Variants in SLC39A11 observed in about 807,000 individuals in gnomAD.
The protein encoded by SLC39A11 is zinc transporter ZIP11.
In SLC39A11, 33 loss-of-function variants were observed where a neutral mutation model predicts 36.1. The observed-to-expected ratio is 0.91, with a 90% CI of 0.69 to 1.22. The LOEUF (loss-of-function observed/expected upper bound fraction) is 1.22. Ranked by LOEUF, SLC39A11 falls within the 50% of genes most tolerant of loss-of-function variation. SLC39A11 has a pLI of 0.00. For missense variants in SLC39A11, 432 were observed against 430.3 expected (o/e 1.00, Z -0.03); for synonymous variants, 166 against 170.3 (o/e 0.97, Z 0.20).
chr17:72,658,212 G>T (rs1471406919), intron 7 of SLC39A11, among the ~76,000 whole-genome samples: 1 of 152,244 alleles, frequency 6.6e-6, no homozygotes, highest in African/African-American at 2.4e-5. Context: ...AGGGAGTGTA[G>T]GCGGGGGAAA....
Position 72,865,946 on chromosome 17 carries a change from C to G in SLC39A11, c.431-16142G>C, listed in dbSNP as rs149870100. Among the ~76,000 whole-genome samples, 1,024 of 152,250 alleles carry G rather than the reference C, an allele frequency of 6.7e-3. 13 individuals carry two copies. Among genetic ancestry groups the G allele is most frequent in the African/African-American group, 0.023 (970 of 41,536 alleles). ...AGTCGGATATTGGCTCAATGACTAA[C>G]CAATGAGCTGGAGGATAAATCTAAA... On this transcript the variant is annotated intron_variant, in intron 5 of 9. Coordinates refer to ENST00000255559, the MANE Select transcript of SLC39A11 (RefSeq NM_139177.4).
At chr17:72,802,419 G>A (rs1163686175) in intron 6 of SLC39A11, among the ~76,000 whole-genome samples, 4 of 151,748 alleles carry the variant, frequency 2.6e-5, no homozygotes, top group South Asian at 4.2e-4. Context: ...GTGAAAACCC[G>A]TCTCTACTAA....
intron 6 of SLC39A11, among the ~76,000 whole-genome samples, chr17:72,806,979 C>T (rs926026479): frequency 1.3e-5 from 2 of 152,172 alleles, no homozygotes; most frequent in Non-Finnish European, 2.9e-5. Context: ...CATTTCCTTA[C>T]CTTCTTTTCT....
At chr17:72,800,646 C>T (rs1041668132) in intron 6 of SLC39A11, among the ~76,000 whole-genome samples, 61 of 152,120 alleles carry the variant, frequency 4.0e-4, no homozygotes, top group African/African-American at 1.3e-3. Flanking sequence ...AGAGACTTGG[C>T]GGCTGGGGGT....
chr17:73,081,655 AC>A (rs755868464), intron 3 of SLC39A11, among the ~76,000 whole-genome samples: 3,976 of 146,398 alleles, frequency 0.027, 158 homozygotes, highest in East Asian at 0.11. Context: ...ACACACACAC[AC>A]ACACACACAC....
At chr17:72,979,334 T>C (rs1354686409) in intron 4 of SLC39A11, among the ~76,000 whole-genome samples, 5 of 145,446 alleles carry the variant, frequency 3.4e-5, no homozygotes, top group Admixed American at 1.4e-4. Context: ...CTTGGGCAGT[T>C]CTTTATAATG....
chr17:72,918,535 T>C (rs925719584), intron 5 of SLC39A11, among the ~76,000 whole-genome samples: 2 of 152,318 alleles, frequency 1.3e-5, no homozygotes, highest in South Asian at 4.1e-4. Context: ...CGCAAGACAG[T>C]GCTCTCAGGA....
chr17:72,707,567 A>G (rs2072943810), intron 7 of SLC39A11, among the ~76,000 whole-genome samples: 1 of 152,218 alleles, frequency 6.6e-6, no homozygotes, highest in African/African-American at 2.4e-5. Flanking sequence ...AATAAAGATC[A>G]CTTAAGGAGG....
chr17:72,666,143 A>C (rs567688106), intron 7 of SLC39A11, among the ~76,000 whole-genome samples: 6 of 152,290 alleles, frequency 3.9e-5, no homozygotes, highest in Non-Finnish European at 7.4e-5. Flanking sequence ...GCGACCCGTA[A>C]GTTCTTTTCC....
rs1323528464 is a variant in SLC39A11 at position 72,988,657 on chromosome 17, C to T, written c.307-40782G>A. On this transcript the variant is annotated intron_variant, in intron 4 of 9. Coordinates refer to ENST00000255559, the MANE Select transcript of SLC39A11 (RefSeq NM_139177.4). ...CTCAGTGCCCCTAGCCCTTGGCAAC[C>T]GCAGTTCTACTTTCTGTTTCTATGA... Among the ~76,000 whole-genome samples the T allele has an allele frequency of 2.6e-5, 4 of 152,144 alleles. No homozygotes were observed. The South Asian group carries it at 6.2e-4, about 24-fold the overall frequency.
intron 4 of SLC39A11, among the ~76,000 whole-genome samples, chr17:73,000,065 C>A (rs911967053): frequency 1.3e-5 from 2 of 152,152 alleles, no homozygotes; most frequent in African/African-American, 4.8e-5. Flanking sequence ...ATCTGAACCC[C>A]TTTCTGTGTC....
intron 7 of SLC39A11, among the ~76,000 whole-genome samples, chr17:72,685,321 CTT>C (rs141532128): frequency 0.014 from 679 of 49,404 alleles, 5 homozygotes; most frequent in Middle Eastern, 0.043. Context: ...GAGGCGGACT[CTT>C]TGAAAAGGTG....
intron 7 of SLC39A11, 88 bp from the exon 8 acceptor site, chr17:72,649,356 G>A: frequency 8.3e-7 from 1 of 1,198,716 alleles, no homozygotes; most frequent in Non-Finnish European, 1.2e-6. Flanking sequence ...AGACCTCCGT[G>A]GGTGCTAGGA....
intron 3 of SLC39A11, among the ~76,000 whole-genome samples, chr17:73,078,095 G>A (rs896516090): frequency 7.9e-5 from 12 of 151,996 alleles, no homozygotes; most frequent in African/African-American, 2.7e-4. Flanking sequence ...AAAATTAGCC[G>A]GGTGTGGTGG....
intron 7 of SLC39A11, among the ~76,000 whole-genome samples, chr17:72,718,134 C>A (rs1452504598): frequency 6.6e-6 from 1 of 152,120 alleles, no homozygotes; most frequent in East Asian, 1.9e-4. Context: ...TCGTAATGAG[C>A]CAAATGAGGT....
intron 5 of SLC39A11, among the ~76,000 whole-genome samples, chr17:72,892,505 A>G (rs1178138756): frequency 6.6e-6 from 1 of 152,122 alleles, no homozygotes; most frequent in Non-Finnish European, 1.5e-5. Flanking sequence ...AAAGATAATT[A>G]TCTTTCTGGG....
chr17:73,060,346 T>C (rs1391936283), intron 3 of SLC39A11, among the ~76,000 whole-genome samples: 1 of 152,078 alleles, frequency 6.6e-6, no homozygotes, highest in African/African-American at 2.4e-5. Context: ...AAATAACTTT[T>C]TGTCCTTCAC....
At chr17:73,032,551 A>T (rs187316983) in intron 3 of SLC39A11, among the ~76,000 whole-genome samples, 25 of 152,320 alleles carry the variant, frequency 1.6e-4, no homozygotes. Flanking sequence ...CAAATTGCTC[A>T]CTACTTCACG....
At chr17:72,778,829 G>A (rs1346444013) in intron 6 of SLC39A11, among the ~76,000 whole-genome samples, 1 of 152,160 alleles carries the variant, frequency 6.6e-6, no homozygotes, top group Non-Finnish European at 1.5e-5. Flanking sequence ...AATAAAGGTT[G>A]GGGAAGTAGA....
Sources: gnomAD v4.1 joint callset for allele counts (sites outside exome capture counted in the v4.1 genomes callset) on GRCh38, gnomAD v4.1.1 for gene constraint, MANE v1.5 for transcripts, NCBI Gene and HGNC (gene_info 2026-07-23, HGNC 2026-07-21) for gene names.